AAK1: variants seen among roughly 807,000 people sequenced by gnomAD.
AAK1 encodes AP2-associated protein kinase 1.
AAK1 carries 37 observed loss-of-function variants against 116.0 expected under a neutral mutation model. That is an observed-to-expected ratio of 0.32 (90% confidence interval 0.25 to 0.42). The LOEUF (loss-of-function observed/expected upper bound fraction) is 0.42, where lower values mean the gene tolerates loss of function less well. Ranked by LOEUF, AAK1 falls within the 10% of genes least tolerant of loss-of-function variation. The pLI is 1.00. For missense variants in AAK1, 919 were observed against 1,170.6 expected (o/e 0.79, Z 3.14); for synonymous variants, 458 against 439.9 (o/e 1.04, Z -0.51).
intron 12 of AAK1, among the ~76,000 whole-genome samples, chr2:69,518,347 T>A (rs1676668820): frequency 6.6e-6 from 1 of 151,676 alleles, no homozygotes; most frequent in African/African-American, 2.4e-5. Flanking sequence ...TCCTCTCTTA[T>A]GATAATGGTG....
chr2:69,514,108 G>C (rs1046339185), intron 13 of AAK1, among the ~76,000 whole-genome samples: 1 of 152,182 alleles, frequency 6.6e-6, no homozygotes, highest in Non-Finnish European at 1.5e-5. Flanking sequence ...GGGCACAATG[G>C]ATCAAACTGC....
chr2:69,472,804 T>C lies in AAK1; in HGVS notation c.*3065A>G, dbSNP rs992544947. 1 of 985,128 alleles carries C rather than the reference T, an allele frequency of 1.0e-6. No individual in the cohort carries two copies. The highest frequency in any genetic ancestry group is 1.2e-6 in the Non-Finnish European group (1 of 829,642). 61.0% of individuals were successfully genotyped at this position (985,128 alleles called of 1,614,324 possible). A position where few individuals can be genotyped will look rare whatever the true frequency, so the allele number is the denominator to read the frequency against. On this transcript the variant is annotated 3_prime_UTR_variant, in exon 22 of 22. Transcript: ENST00000409085. ...ATACATTTAAAAAGAAATCTTCTGA[T>C]ACCATTTTATTAGAATAGGTAGGTG...
chr2:69,480,877 A>G lies in AAK1; in HGVS notation c.2552T>C (p.Val851Ala). The G allele has an allele frequency of 6.2e-7, 1 of 1,601,636 alleles. No homozygotes were observed. The change falls in exon 19 of 22, where the codon GTG (valine) becomes GCG (alanine). Residue 851 changes from valine (V) to alanine (A), a missense_variant. This residue lies in a region of AAK1 where 263 missense variants were observed against 285.5 expected (regional missense o/e 0.92). Transcript: ENST00000409085. ...PQRLPSQTES[V>A]TSNRTDSLTG... ...TGACTGACCTGTGCGATTCGAGGTC[A>G]CAGATTCCGTCTGAGATGGGAGGCG...
intron 10 of AAK1, among the ~76,000 whole-genome samples, chr2:69,523,297 G>A (rs1166315237): frequency 1.3e-5 from 2 of 152,166 alleles, no homozygotes; most frequent in Non-Finnish European, 2.9e-5. Context: ...TTCCAAAGAG[G>A]TGAGCATGGC....
At chr2:69,506,331 T>C (rs1676183624) in intron 15 of AAK1, among the ~76,000 whole-genome samples, 1 of 152,228 alleles carries the variant, frequency 6.6e-6, no homozygotes. Flanking sequence ...TTAAGTACTA[T>C]GCCCTATCTT....
At chr2:69,587,450 T>C (rs1222811357) in intron 2 of AAK1, among the ~76,000 whole-genome samples, 1 of 148,636 alleles carries the variant, frequency 6.7e-6, no homozygotes, top group Non-Finnish European at 1.5e-5. Flanking sequence ...TGTATATGTA[T>C]ATATGTGTGT....
Position 69,468,780 on chromosome 2 carries a change from G to A in AAK1, c.*7089C>T. On this transcript the variant is annotated 3_prime_UTR_variant, in exon 22 of 22. Coordinates refer to ENST00000409085, the MANE Select transcript of AAK1 (RefSeq NM_014911.5). ...TGAGAACTAGGAAGTACCAAGGGGT[G>A]TGTGTATGTGCCCATATTCAGGGTT... is the stretch of plus-strand genomic sequence containing the variant. 1 of 985,420 alleles carries A rather than the reference G, an allele frequency of 1.0e-6. No homozygotes were observed. Among genetic ancestry groups the A allele is most frequent in the Non-Finnish European group, 1.2e-6 (1 of 829,926 alleles). The allele number at this position is 985,420 out of a possible 1,614,324, so 61.0% of individuals were successfully genotyped here.
chr2:69,626,026 C>T (rs145169559), intron 2 of AAK1, among the ~76,000 whole-genome samples: 4 of 152,296 alleles, frequency 2.6e-5, no homozygotes, highest in African/African-American at 9.6e-5. Flanking sequence ...TATTCCTTCT[C>T]TCCTTCCTTC....
rs550216030 is a variant in AAK1 at position 69,640,195 on chromosome 2, G to A, written c.163+2683C>T. ...TTGCCTCATTTAATCTTCATGACCA[G>A]CCCATTAAGCAGTGGTTCTCAAACT... On this transcript the variant is annotated intron_variant, in intron 2 of 21. Transcript: ENST00000409085. Among the ~76,000 whole-genome samples the A allele has an allele frequency of 3.2e-4, 49 of 152,084 alleles. 1 individual carries two copies. The highest frequency in any genetic ancestry group is 6.8e-3 in the Middle Eastern group (2 of 294).
At chr2:69,628,555 A>G (rs2105253136) in intron 2 of AAK1, among the ~76,000 whole-genome samples, 1 of 152,250 alleles carries the variant, frequency 6.6e-6, no homozygotes, top group Middle Eastern at 3.4e-3. Flanking sequence ...GTGTTCTGTG[A>G]GCTAACCCTA....
At position 69,640,396 on chromosome 2, in the gene AAK1, C is replaced by T. The variant is rs76886464; in HGVS notation, c.163+2482G>A. Among the ~76,000 whole-genome samples, 89 of 152,296 alleles carry T rather than the reference C, an allele frequency of 5.8e-4. 2 individuals are homozygous for T. The East Asian group carries it at 0.013, about 22-fold the overall frequency. On this transcript the variant is annotated intron_variant, in intron 2 of 21. Transcript: ENST00000409085. ...AGAGTGGTTTGGAATGTCTTGCCTA[C>T]AGTTCCACAGCTAGTAAAGAACAGA...
rs548699982 is a variant in AAK1, at chr2:69,461,871, C to T, written c.*13998G>A. ...CCTCCCAAAGTGCTGGGATTACAAG[C>T]GTGAGCCACCGCGCCTGGCCTCCAG... On this transcript the variant is annotated 3_prime_UTR_variant, in exon 22 of 22. Coordinates refer to ENST00000409085, the MANE Select transcript of AAK1 (RefSeq NM_014911.5). 268 of 197,450 alleles carry T rather than the reference C, an allele frequency of 1.4e-3. 1 individual carries two copies. Among genetic ancestry groups the T allele is most frequent in the Middle Eastern group, 8.5e-3 (4 of 470 alleles). The allele number at this position is 197,450 out of a possible 1,614,324, so 12.2% of individuals were successfully genotyped here.
At chr2:69,559,925 C>A (rs533931789) in intron 2 of AAK1, among the ~76,000 whole-genome samples, 17 of 152,334 alleles carry the variant, frequency 1.1e-4, no homozygotes, top group Non-Finnish European at 2.1e-4. Context: ...ATGACCTTTA[C>A]AGCCAGGACT....
intron 17 of AAK1, among the ~76,000 whole-genome samples, chr2:69,484,271 C>A (rs989708483): frequency 6.6e-6 from 1 of 152,086 alleles, no homozygotes; most frequent in African/African-American, 2.4e-5. Context: ...AAACAGGAAC[C>A]AAATTTTAGG....
chr2:69,594,466 T>C (rs1673173261), intron 2 of AAK1, among the ~76,000 whole-genome samples: 1 of 152,210 alleles, frequency 6.6e-6, no homozygotes, highest in Non-Finnish European at 1.5e-5. Context: ...AAATAAATGA[T>C]TTACAATTCA....
At chr2:69,489,188 C>T (rs1190488489) in intron 17 of AAK1, among the ~76,000 whole-genome samples, 1 of 151,504 alleles carries the variant, frequency 6.6e-6, no homozygotes, top group African/African-American at 2.4e-5. Flanking sequence ...ATGGGGCTCA[C>T]CCCTGTAATC....
chr2:69,596,227 T>A (rs1355390587), intron 2 of AAK1, among the ~76,000 whole-genome samples: 1 of 151,802 alleles, frequency 6.6e-6, no homozygotes, highest in East Asian at 1.9e-4. Flanking sequence ...TTGACTTTTT[T>A]TTTTTTTTTT....
intron 2 of AAK1, among the ~76,000 whole-genome samples, chr2:69,600,515 T>C (rs1287273917): frequency 6.6e-6 from 1 of 152,070 alleles, no homozygotes; most frequent in Admixed American, 6.6e-5. Flanking sequence ...CAACTAGAAT[T>C]AGAAGTGGAG....
At chr2:69,519,405 T>C (rs185066845) in intron 11 of AAK1, among the ~76,000 whole-genome samples, 165 bp from the exon 12 acceptor site, 1 of 152,332 alleles carries the variant, frequency 6.6e-6, no homozygotes, top group Admixed American at 6.5e-5. Flanking sequence ...CTGGAATGTC[T>C]TTCTATCTTC....
Sources: allele counts gnomAD v4.1 joint callset (sites outside exome capture counted in the v4.1 genomes callset), GRCh38; gene constraint gnomAD v4.1.1; regional missense constraint gnomAD v4.1.1; transcripts MANE v1.5; gene names NCBI Gene and HGNC (gene_info 2026-07-23, HGNC 2026-07-21).